Variants in KMT2E observed in about 807,000 individuals in gnomAD.
The protein encoded by KMT2E is histone reader KMT2E.
In KMT2E, 30 loss-of-function variants were observed where a neutral mutation model predicts 184.6. That is an observed-to-expected ratio of 0.16 (90% CI 0.12 to 0.22). The LOEUF (loss-of-function observed/expected upper bound fraction) is 0.22. Among genes scored for constraint, KMT2E ranks in the 10% least tolerant of loss-of-function variants. The pLI is 1.00. For missense variants in KMT2E, 2,023 were observed against 2,237.4 expected (o/e 0.90, Z 1.93); for synonymous variants, 815 against 776.5 (o/e 1.05, Z -0.82).
chr7:105,021,105 G>T (rs748228823), intron 1 of KMT2E, among the ~76,000 whole-genome samples: 25 of 152,202 alleles, frequency 1.6e-4, no homozygotes, highest in Non-Finnish European at 2.9e-4. Flanking sequence ...CCTCTTTAAT[G>T]AAGTGGCTGA....
Position 105,040,989 on chromosome 7 carries a change from G to A in KMT2E, c.37G>A (p.Glu13Lys). 1 of 1,604,398 alleles carries A rather than the reference G, an allele frequency of 6.2e-7. No individual in the cohort carries two copies. The highest frequency in any genetic ancestry group is 8.5e-7 in the Non-Finnish European group (1 of 1,177,794). Residue 13 changes from glutamate (E) to lysine (K), a missense_variant, in exon 3 of 27, where the codon GAG becomes AAG. Physicochemically the swap from Glu to Lys is moderately conservative, Grantham distance 56 (BLOSUM62 1). Transcript: ENST00000311117. Reference sequence around the variant, plus strand: ...GATCCCATTGGGGGTTGATACAGCAGAGACGTCATACTTGGAAATGGCTGC... The same window carrying A: ...GATCCCATTGGGGGTTGATACAGCAAAGACGTCATACTTGGAAATGGCTGC... ...IVIPLGVDTA[E>K]TSYLEMAAGS...
At position 105,113,496 on chromosome 7, in the gene KMT2E, T is replaced by G; in HGVS notation, c.*163T>G. 1 of 777,048 alleles carries G rather than the reference T, an allele frequency of 1.3e-6. No homozygotes were observed. Among genetic ancestry groups the G allele is most frequent in the Middle Eastern group, 3.8e-4 (1 of 2,618 alleles). 48.1% of individuals were successfully genotyped at this position (777,048 alleles called of 1,614,324 possible). On this transcript the variant is annotated 3_prime_UTR_variant, in exon 27 of 27. Transcript: ENST00000311117. ...TCATTTTTGCTTTTTAAAATTCCTT[T>G]AAAAAATGTGCTGTTAAGCCAGTAT...
intron 2 of KMT2E, among the ~76,000 whole-genome samples, chr7:105,040,362 G>A (rs911177998): frequency 1.3e-5 from 2 of 152,066 alleles, no homozygotes; most frequent in African/African-American, 4.8e-5. Flanking sequence ...TTCGGTATTA[G>A]CCTGTTTTGG....
chr7:105,046,756 T>G (rs1017377150), intron 3 of KMT2E, among the ~76,000 whole-genome samples: 1 of 152,214 alleles, frequency 6.6e-6, no homozygotes, highest in Non-Finnish European at 1.5e-5. Flanking sequence ...TATGATAGCA[T>G]GTAAATACAT....
intron 1 of KMT2E, among the ~76,000 whole-genome samples, chr7:105,023,131 G>T (rs1795020977): frequency 6.6e-6 from 1 of 151,940 alleles, no homozygotes; most frequent in Admixed American, 6.6e-5. Flanking sequence ...TATTGTTTAG[G>T]CTTATGATTT....
chr7:105,107,990 G>A (rs1233549864), intron 22 of KMT2E, 65 bp downstream of exon 22: 1 of 1,123,140 alleles, frequency 8.9e-7, no homozygotes, highest in Non-Finnish European at 1.2e-6. Flanking sequence ...ATACTACTGA[G>A]GGGAATTGTT....
At chr7:105,059,975 GTTGTTTTTTTTTTTTTTTTT>G (rs1796733041) in intron 3 of KMT2E, among the ~76,000 whole-genome samples, 1 of 45,616 alleles carries the variant, frequency 2.2e-5, no homozygotes, top group Non-Finnish European at 5.5e-5. Flanking sequence ...TTTTCTTGTT[GTTGTTTTTTTTTTTTTTTTT>G]TTTTTTTTTT....
Position 105,105,629 on chromosome 7 carries a change from CATT to C in KMT2E, c.2388_2390del (p.Phe797del). On this transcript the variant is annotated inframe_deletion, in exon 18 of 27. Transcript: ENST00000311117. The stretch of plus-strand genomic sequence containing the variant: ...AAGCATTATATTAGATTTACTTCAC[CATT>C]CCTTTCAGAAAAAAGGAGAAGAAAA... 4 of 1,611,558 alleles carry C rather than the reference CATT, an allele frequency of 2.5e-6. No homozygotes were observed. The highest frequency in any genetic ancestry group is 3.4e-6 in the Non-Finnish European group (4 of 1,178,752).
chr7:105,046,444 C>T (rs189887878), intron 3 of KMT2E, among the ~76,000 whole-genome samples: 1 of 152,150 alleles, frequency 6.6e-6, no homozygotes, highest in Admixed American at 6.6e-5. Flanking sequence ...AGAGGTATAC[C>T]AAAATTAAGT....
In KMT2E at chr7:105,109,108, C is replaced by A. The variant is rs767018698; in HGVS notation, c.3635C>A (p.Thr1212Asn). The change falls in exon 23 of 27, where the codon ACT (threonine) becomes AAT (asparagine). Residue 1212 changes from threonine to asparagine, a missense_variant. Transcript: ENST00000311117. ...GACAATGGGGAGCAGGTGGACCACA[C>A]TGCTAGCCTACCTTTACCAACACCA... ...SNDNGEQVDH[T>N]ASLPLPTPAT... is the part of the protein sequence containing the mutation. 2 of 1,614,092 alleles carry A rather than the reference C, an allele frequency of 1.2e-6. No homozygotes were observed. Among genetic ancestry groups the A allele is most frequent in the South Asian group, 1.1e-5 (1 of 91,088 alleles).
At chr7:105,110,746 A>C in intron 25 of KMT2E, 25 bp from the exon 26 acceptor site, 1 of 1,598,112 alleles carries the variant, frequency 6.3e-7, no homozygotes, top group East Asian at 2.2e-5. Flanking sequence ...TTTTATACTT[A>C]CTATAGGTTT....
At chr7:105,070,964 C>T (rs1049096511) in intron 6 of KMT2E, among the ~76,000 whole-genome samples, 1 of 152,072 alleles carries the variant, frequency 6.6e-6, no homozygotes, top group African/African-American at 2.4e-5. Context: ...ACTCTAAAGT[C>T]AAATATGTAA....
Position 105,112,751 on chromosome 7 carries a change from G to A in KMT2E, c.4995G>A (p.Gly1665=), listed in dbSNP as rs753213026. 1.3e-5 allele frequency: 21 copies of A among 1,613,230 alleles called. No homozygotes were observed. In the African/African-American group the frequency reaches 1.6e-4, roughly 12 times the overall value. ...VVGPVHAVTP[G]SHIHSQTAGH... The stretch of plus-strand genomic sequence containing the variant: ...GGCCTGTTCATGCGGTCACCCCTGG[G>A]TCGCATATTCATTCTCAAACTGCTG... The change falls in exon 27 of 27, where the codon GGG becomes GGA. Residue 1665 remains glycine (G), a synonymous_variant. Transcript: ENST00000311117.
intron 26 of KMT2E, 31 bp downstream of exon 26, chr7:105,110,899 A>G: frequency 2.0e-6 from 3 of 1,500,284 alleles, no homozygotes; most frequent in Non-Finnish European, 2.8e-6. Flanking sequence ...ATGGGTTCCA[A>G]AGGACTTTAG....
intron 12 of KMT2E, among the ~76,000 whole-genome samples, chr7:105,080,246 T>C (rs1797708503): frequency 6.6e-6 from 1 of 152,218 alleles, no homozygotes; most frequent in African/African-American, 2.4e-5. Flanking sequence ...TAAAGTAGAT[T>C]TTGTATGTTC....
Position 105,110,945 on chromosome 7 carries a change from G to A in KMT2E, c.4068+77G>A, listed in dbSNP as rs894307744. ...GAAAAGCTGATGGTTATAATATGCA[G>A]TGTTTTTCTGCTGTATCAAGTATCA... On this transcript the variant is annotated intron_variant, in intron 26 of 26. Transcript: ENST00000311117. 1.0e-5 allele frequency: 10 copies of A among 964,714 alleles called. No individual in the cohort carries two copies. The African/African-American group carries it at 1.5e-4, about 14-fold the overall frequency. 59.8% of individuals were successfully genotyped at this position (964,714 alleles called of 1,614,324 possible).
intron 6 of KMT2E, among the ~76,000 whole-genome samples, chr7:105,071,796 C>T (rs1284769318): frequency 6.6e-6 from 1 of 150,616 alleles, no homozygotes; most frequent in Non-Finnish European, 1.5e-5. Flanking sequence ...TAAGCATGCC[C>T]ACTTTCCCAA....
At chr7:105,058,568 T>C (rs1402912799) in intron 3 of KMT2E, among the ~76,000 whole-genome samples, 1 of 152,234 alleles carries the variant, frequency 6.6e-6, no homozygotes, top group African/African-American at 2.4e-5. Flanking sequence ...CAAGAGAATA[T>C]ACTTACATTT....
intron 1 of KMT2E, among the ~76,000 whole-genome samples, chr7:105,015,591 T>C (rs780880904): frequency 1.3e-5 from 2 of 152,092 alleles, no homozygotes; most frequent in Non-Finnish European, 2.9e-5. Context: ...ATTTGGAAAA[T>C]AGTCTGTTTT....
Sources: gnomAD v4.1 joint callset for allele counts (sites outside exome capture counted in the v4.1 genomes callset) on GRCh38, gnomAD v4.1.1 for gene constraint, MANE v1.5 for transcripts, NCBI Gene and HGNC (gene_info 2026-07-23, HGNC 2026-07-21) for gene names.